Variants in ZNF548 observed in about 807,000 individuals in gnomAD.
The protein encoded by ZNF548 is zinc finger protein 548.
A neutral mutation model predicts 10.2 loss-of-function variants in ZNF548; 10 were observed. That is an observed-to-expected ratio of 0.98 (90% CI 0.60 to 1.66). ZNF548 has a LOEUF of 1.66. Among genes scored for constraint, ZNF548 ranks in the 40% most tolerant of loss-of-function variants. The pLI is 0.00. For missense variants in ZNF548, 599 were observed against 657.0 expected (o/e 0.91, Z 0.97); for synonymous variants, 217 against 223.5 (o/e 0.97, Z 0.26).
chr19:57,400,047 A>G lies in ZNF548; in HGVS notation c.*158A>G, dbSNP rs1358645523. On this transcript the variant is annotated 3_prime_UTR_variant, in exon 4 of 4. Transcript: ENST00000336128. ...CCAGAAATGTCTCAACTATATTTCTATACTCTATGGTACTTATATGAGGTA... is the reference window on the plus strand; with the variant it reads ...CCAGAAATGTCTCAACTATATTTCTGTACTCTATGGTACTTATATGAGGTA... 1.3e-5 allele frequency: 8 copies of G among 620,496 alleles called. No individual in the cohort carries two copies. The highest frequency in any genetic ancestry group is 3.0e-5 in the Admixed American group (1 of 33,692). 38.4% of individuals were successfully genotyped at this position (620,496 alleles called of 1,614,324 possible). A position where few individuals can be genotyped will look rare whatever the true frequency, so the allele number is the denominator to read the frequency against.
rs1054386026 is a variant in ZNF548, at chr19:57,401,859, C to G, written c.*1970C>G. The stretch of plus-strand genomic sequence containing the variant: ...GTTCGAGCCATCACCCCACCTCAGC[C>G]TCCCAAGTAGCTTGGATTACAAGTG... On this transcript the variant is annotated 3_prime_UTR_variant, in exon 4 of 4. Transcript: ENST00000336128. The G allele has an allele frequency of 6.6e-6, 1 of 152,112 alleles. No individual in the cohort carries two copies. Among genetic ancestry groups the G allele is most frequent in the African/African-American group, 2.4e-5 (1 of 41,398 alleles). The allele number at this position is 152,112 out of a possible 1,614,324, so 9.4% of individuals were successfully genotyped here.
In ZNF548 at chr19:57,400,445, G is replaced by C. The variant is rs1427452483; in HGVS notation, c.*556G>C. 6.7e-6 allele frequency: 1 copy of C among 150,220 alleles called. No homozygotes were observed. Among genetic ancestry groups the C allele is most frequent in the East Asian group, 1.9e-4 (1 of 5,154 alleles). 9.3% of individuals were successfully genotyped at this position (150,220 alleles called of 1,614,324 possible). ...GGATTTCTATTTTTTTTTTTTGTTT[G>C]TTTTTGAGACAGAGTCTTGCTCTGT... On this transcript the variant is annotated 3_prime_UTR_variant, in exon 4 of 4. Coordinates refer to ENST00000336128, the MANE Select transcript of ZNF548 (RefSeq NM_001172773.2).
intron 1 of ZNF548, 124 bp from the exon 2 acceptor site, chr19:57,394,064 G>A (rs1268158929): frequency 1.9e-6 from 2 of 1,052,008 alleles, no homozygotes; most frequent in African/African-American, 1.6e-5. Flanking sequence ...TGAGGCCTGA[G>A]GAACTTTATT....
intron 2 of ZNF548, 140 bp from the exon 3 acceptor site, chr19:57,396,908 G>A: frequency 8.0e-7 from 1 of 1,257,562 alleles, no homozygotes. Context: ...GCCCAGGGTG[G>A]TAGGGGAGAT....
Position 57,396,488 on chromosome 19 carries a change from G to A in ZNF548, c.52-560G>A, listed in dbSNP as rs10451458. Among the ~76,000 whole-genome samples the A allele has an allele frequency of 3.8e-3, 575 of 152,338 alleles. 1 individual carries two copies. Among genetic ancestry groups the A allele is most frequent in the African/African-American group, 0.013 (531 of 41,572 alleles). On this transcript the variant is annotated intron_variant, in intron 2 of 3. Coordinates refer to ENST00000336128, the MANE Select transcript of ZNF548 (RefSeq NM_001172773.2). Reference sequence around the variant, plus strand: ...AAGAGATTGAGCAAGGAATGGAGGCGTAGGGGACAGCGATGAGATCCTGGA... The same window carrying A: ...AAGAGATTGAGCAAGGAATGGAGGCATAGGGGACAGCGATGAGATCCTGGA...
At chr19:57,396,964 T>C in intron 2 of ZNF548, 84 bp from the exon 3 acceptor site, 1 of 1,514,450 alleles carries the variant, frequency 6.6e-7, no homozygotes, top group Non-Finnish European at 8.9e-7. Context: ...TAATGGGTGG[T>C]AAATATAAGT....
chr19:57,394,067 A>G lies in ZNF548; in HGVS notation c.16-121A>G, dbSNP rs1326893287. 14 of 1,078,774 alleles carry G rather than the reference A, an allele frequency of 1.3e-5. No homozygotes were observed. The Admixed American group carries it at 2.1e-4, about 16-fold the overall frequency. The allele number at this position is 1,078,774 out of a possible 1,614,324, so 66.8% of individuals were successfully genotyped here. ...GAGCTGCAGCACTGAGGCCTGAGGA[A>G]CTTTATTCAATGAATTGAGATCAGT... On this transcript the variant is annotated intron_variant, in intron 1 of 3. Coordinates refer to ENST00000336128, the MANE Select transcript of ZNF548 (RefSeq NM_001172773.2).
intron 2 of ZNF548, among the ~76,000 whole-genome samples, chr19:57,396,753 C>G (rs147245345): frequency 6.6e-6 from 1 of 152,238 alleles, no homozygotes; most frequent in Non-Finnish European, 1.5e-5. Flanking sequence ...CAAGGGAAAG[C>G]AATGCAGGGC....
In ZNF548 at chr19:57,401,697, A is replaced by T. The variant is rs1476875103; in HGVS notation, c.*1808A>T. 4.6e-5 allele frequency: 7 copies of T among 151,110 alleles called. No individual in the cohort carries two copies. The allele number at this position is 151,110 out of a possible 1,614,324, so 9.4% of individuals were successfully genotyped here. On this transcript the variant is annotated 3_prime_UTR_variant, in exon 4 of 4. Transcript: ENST00000336128. ...ATGCCAAGCATTTTCCCTATGCTTT[A>T]TTCTAAGAATTTTATATTTGAAGGT...
At position 57,398,118 on chromosome 19, in the gene ZNF548, A is replaced by G. The variant is rs1475870600; in HGVS notation, c.179-312A>G. 2.0e-5 allele frequency among the ~76,000 whole-genome samples: 3 copies of G among 152,320 alleles called. No individual in the cohort carries two copies. In the East Asian group the frequency reaches 5.8e-4, roughly 29 times the overall value. On this transcript the variant is annotated intron_variant, in intron 3 of 3. Coordinates refer to ENST00000336128, the MANE Select transcript of ZNF548 (RefSeq NM_001172773.2). ...TCTCTGGGTTTGGAGAGAACCTTCT[A>G]CACACTGCTTGCCAGTCTCCAGCAA...
chr19:57,392,877 T>G, intron 1 of ZNF548: 1 of 985,534 alleles, frequency 1.0e-6, no homozygotes, highest in Non-Finnish European at 1.2e-6. Context: ...CATCATACTC[T>G]GTCCAGAACG....
At chr19:57,396,100 G>A (rs1433924508) in intron 2 of ZNF548, among the ~76,000 whole-genome samples, 2 of 152,202 alleles carry the variant, frequency 1.3e-5, no homozygotes, top group South Asian at 2.1e-4. Flanking sequence ...TGTGGTGTGG[G>A]CTGGGAGTTG....
In ZNF548 at chr19:57,399,330, A is replaced by G. The variant is rs149286589; in HGVS notation, c.1079A>G (p.Tyr360Cys). The G allele has an allele frequency of 4.3e-5, 70 of 1,614,172 alleles. 1 individual carries two copies. In the Admixed American group the frequency reaches 4.8e-4, roughly 11 times the overall value. Residue 360 changes from tyrosine to cysteine, a missense_variant, in exon 4 of 4, where the codon TAT becomes TGT. Tyr to Cys is a radical substitution (Grantham distance 194). Coordinates refer to ENST00000336128, the MANE Select transcript of ZNF548 (RefSeq NM_001172773.2). The surrounding 1 kb of genome is among the most constrained non-coding windows in gnomAD (Gnocchi z 4.0). ...KCNDCGKFFR[Y>C]ISTLIRHQRI... The stretch of plus-strand genomic sequence containing the variant: ...AATGATTGTGGGAAATTTTTTAGGT[A>G]TATCTCCACACTCATTAGACATCAG...
chr19:57,392,372 T>G (rs1320087282), intron 1 of ZNF548, among the ~76,000 whole-genome samples: 2 of 152,222 alleles, frequency 1.3e-5, no homozygotes, highest in Non-Finnish European at 1.5e-5. Context: ...TAGACCAATG[T>G]CCAGAAGGGG....
At chr19:57,394,830 C>T (rs540096097) in intron 2 of ZNF548, among the ~76,000 whole-genome samples, 27 of 152,206 alleles carry the variant, frequency 1.8e-4, no homozygotes, top group African/African-American at 4.8e-4. Flanking sequence ...TTTTATGATA[C>T]AGAGAGTGAG....
chr19:57,397,623 C>G (rs1048583411), intron 3 of ZNF548, among the ~76,000 whole-genome samples: 3 of 152,142 alleles, frequency 2.0e-5, no homozygotes, highest in African/African-American at 7.2e-5. Flanking sequence ...GAAGTTCTTA[C>G]GATTATAGAA....
rs144568299 is a variant in ZNF548 at position 57,400,170 on chromosome 19, G to A, written c.*281G>A. ...GACTGGCTTATTTCACTTAGGATAAGGTCTTCACGGTTCACCCATGTTGTA... is the reference window on the plus strand; with the variant it reads ...GACTGGCTTATTTCACTTAGGATAAAGTCTTCACGGTTCACCCATGTTGTA... On this transcript the variant is annotated 3_prime_UTR_variant, in exon 4 of 4. Transcript: ENST00000336128. 6.3e-3 allele frequency: 2,044 copies of A among 323,436 alleles called. 13 individuals carry two copies. The highest frequency in any genetic ancestry group is 8.3e-3 in the Non-Finnish European group (1,472 of 177,044). 20.0% of individuals were successfully genotyped at this position (323,436 alleles called of 1,614,324 possible).
intron 1 of ZNF548, chr19:57,390,399 A>G: frequency 2.6e-6 from 1 of 379,996 alleles, no homozygotes; most frequent in Non-Finnish European, 4.8e-6. Context: ...CAACCTGAGC[A>G]GCCAGTAACC....
chr19:57,390,107 T>C lies in ZNF548; in HGVS notation c.8T>C (p.Leu3Pro), dbSNP rs2088612123. MN[L>P]TEGPLAMAEM... is the part of the protein sequence containing the mutation. ...CTGGCGGAGGCCTTGCTGATGAACC[T>C]GACTGAGGTGGGTGTCCCGTCCCAG... Residue 3 changes from leucine to proline, a missense_variant, in exon 1 of 4, where the codon CTG (leucine) becomes CCG (proline). By Grantham distance (98) the Leu-to-Pro change is moderately conservative. Transcript: ENST00000336128. The C allele has an allele frequency of 6.2e-7, 1 of 1,608,644 alleles. No individual in the cohort carries two copies. The highest frequency in any genetic ancestry group is 8.5e-7 in the Non-Finnish European group (1 of 1,179,462).
Sources: gnomAD v4.1 joint callset for allele counts (sites outside exome capture counted in the v4.1 genomes callset) on GRCh38, gnomAD v4.1.1 for gene constraint, Gnocchi (gnomAD v3.1) non-coding constraint, MANE v1.5 for transcripts, NCBI Gene and HGNC (gene_info 2026-07-23, HGNC 2026-07-21) for gene names.